The following LARGE1 variants were observed in gnomAD, a reference collection of about 807,000 sequenced individuals.
LARGE1 encodes the protein xylosyl- and glucuronyltransferase LARGE1.
In LARGE1, 43 loss-of-function variants were observed where a neutral mutation model predicts 87.6. That is an observed-to-expected ratio of 0.49 (90% CI 0.38 to 0.63). The LOEUF (loss-of-function observed/expected upper bound fraction) is 0.63, where lower values mean the gene tolerates loss of function less well. LARGE1 is among the 30% of genes least tolerant of loss of function. The probability of loss-of-function intolerance (pLI) is 0.00; values close to 1 mark genes in which losing one functional copy is unlikely to be tolerated. For missense variants in LARGE1, 802 were observed against 1,000.2 expected (o/e 0.80, Z 2.67); for synonymous variants, 434 against 394.6 (o/e 1.10, Z -1.18).
At position 33,439,619 on chromosome 22, in the gene LARGE1, G is replaced by A. The variant is rs1409868706; in HGVS notation, c.788-7354C>T. Among the ~76,000 whole-genome samples the A allele has an allele frequency of 3.3e-5, 5 of 152,104 alleles. No individual in the cohort carries two copies. The East Asian group carries it at 5.8e-4, about 18-fold the overall frequency. On this transcript the variant is annotated intron_variant, in intron 6 of 14. Transcript: ENST00000397394. ...ATCCACAGATGATGGGATCTACTCCGGTGGCTTCAGACACTATTGACTGGA... is the reference window on the plus strand; with the variant it reads ...ATCCACAGATGATGGGATCTACTCCAGTGGCTTCAGACACTATTGACTGGA...
chr22:33,897,514 C>G (rs1039118690), intron 1 of LARGE1, among the ~76,000 whole-genome samples: 5 of 152,148 alleles, frequency 3.3e-5, no homozygotes, highest in African/African-American at 1.2e-4. Context: ...CAGGACAGGG[C>G]AGCATGACGG....
intron 3 of LARGE1, among the ~76,000 whole-genome samples, chr22:33,628,571 C>T (rs2080003752): frequency 6.6e-6 from 1 of 152,152 alleles, no homozygotes; most frequent in African/African-American, 2.4e-5. Flanking sequence ...TCACCTTGAC[C>T]TCCCAAAGTG....
chr22:33,586,439 G>T lies in LARGE1; in HGVS notation c.615+17996C>A, dbSNP rs909511515. ...AATACGCCATGCTGCCCCCAAACAG[G>T]GAGAACAACAAGATTTCTTTTTTTT... On this transcript the variant is annotated intron_variant, in intron 5 of 14. Transcript: ENST00000397394. 2.7e-5 allele frequency among the ~76,000 whole-genome samples: 4 copies of T among 150,862 alleles called. No homozygotes were observed. In the East Asian group the frequency reaches 5.9e-4, roughly 22 times the overall value.
At chr22:33,866,290 G>A (rs2064101665) in intron 1 of LARGE1, among the ~76,000 whole-genome samples, 1 of 152,178 alleles carries the variant, frequency 6.6e-6, no homozygotes, top group Admixed American at 6.5e-5. Flanking sequence ...ACAGCATATA[G>A]GGGGCTGTTT....
chr22:33,370,229 G>A (rs1018666932), intron 9 of LARGE1, among the ~76,000 whole-genome samples: 7 of 151,930 alleles, frequency 4.6e-5, no homozygotes, highest in Admixed American at 2.0e-4. Flanking sequence ...CACAGGGGCC[G>A]TTAAAAAAAA....
intron 10 of LARGE1, among the ~76,000 whole-genome samples, chr22:33,324,591 C>T (rs996130307): frequency 2.0e-5 from 3 of 152,154 alleles, no homozygotes; most frequent in Admixed American, 2.0e-4. Context: ...GAAAATGGCC[C>T]GTTAGGCAGT....
At chr22:33,503,724 G>A (rs998834812) in intron 6 of LARGE1, among the ~76,000 whole-genome samples, 20 of 151,584 alleles carry the variant, frequency 1.3e-4, no homozygotes, top group African/African-American at 4.6e-4. Flanking sequence ...GCTTGAACCC[G>A]GGAGGTGGAG....
At chr22:33,901,567 A>G (rs2065283771) in intron 1 of LARGE1, among the ~76,000 whole-genome samples, 1 of 152,116 alleles carries the variant, frequency 6.6e-6, no homozygotes, top group South Asian at 2.1e-4. Context: ...GCTACTGGAG[A>G]GGCTGAGGTG....
the LARGE1 span, among the ~76,000 whole-genome samples, chr22:33,086,584 CT>C: frequency 1.6e-5 from 2 of 127,454 alleles, no homozygotes; most frequent in Middle Eastern, 6.9e-3. Context: ...GACAGAGTCT[CT>C]CTCTGTCACC....
chr22:33,617,275 T>C (rs1460557116), intron 4 of LARGE1, among the ~76,000 whole-genome samples: 3 of 152,364 alleles, frequency 2.0e-5, no homozygotes, highest in African/African-American at 7.2e-5. Context: ...GCGTGACTTC[T>C]GAGCCTTATT....
the LARGE1 span, among the ~76,000 whole-genome samples, chr22:33,082,642 T>C: frequency 2.6e-5 from 4 of 152,298 alleles, no homozygotes; most frequent in East Asian, 7.7e-4. Flanking sequence ...AGCAGAGAAA[T>C]ACCTTCTCTG....
intron 2 of LARGE1, among the ~76,000 whole-genome samples, chr22:33,719,246 AT>A (rs1318034899): frequency 6.6e-6 from 1 of 152,264 alleles, no homozygotes. Context: ...AAGCTTAAAA[AT>A]ATTTCAAAGT....
chr22:33,067,491 CTTTAT>C, the LARGE1 span, among the ~76,000 whole-genome samples: 1 of 151,992 alleles, frequency 6.6e-6, no homozygotes. Flanking sequence ...AGTGTTTAAC[CTTTAT>C]TTTCTTATTG....
At chr22:33,475,580 G>C (rs928110434) in intron 6 of LARGE1, among the ~76,000 whole-genome samples, 8 of 151,918 alleles carry the variant, frequency 5.3e-5, no homozygotes, top group Non-Finnish European at 1.0e-4. Context: ...TCCTGCCTCA[G>C]CCTCCCAAGT....
chr22:33,760,906 G>A (rs184707684), intron 2 of LARGE1, among the ~76,000 whole-genome samples: 219 of 152,152 alleles, frequency 1.4e-3, no homozygotes, highest in Non-Finnish European at 2.7e-3. Flanking sequence ...GTAACAGAGC[G>A]AGACTCCGTC....
At chr22:33,662,903 T>C (rs1204415450) in intron 2 of LARGE1, among the ~76,000 whole-genome samples, 1 of 152,224 alleles carries the variant, frequency 6.6e-6, no homozygotes, top group Non-Finnish European at 1.5e-5. Flanking sequence ...TTCCTTTGCC[T>C]GTAAGTGACT....
intron 9 of LARGE1, among the ~76,000 whole-genome samples, chr22:33,365,202 T>A (rs2064542751): frequency 2.0e-5 from 3 of 152,170 alleles, no homozygotes; most frequent in African/African-American, 4.8e-5. Context: ...TGAACCTGAC[T>A]TTCTTTAGAA....
intron 6 of LARGE1, among the ~76,000 whole-genome samples, chr22:33,551,261 C>T (rs1365546539): frequency 6.6e-6 from 1 of 152,156 alleles, no homozygotes; most frequent in African/African-American, 2.4e-5. Flanking sequence ...TGGAGAAACC[C>T]CGTACTAAGG....
At chr22:33,556,538 A>AGGAGGGAGGGAGGGAGGGAG (rs769770874) in intron 6 of LARGE1, among the ~76,000 whole-genome samples, 4 of 72,568 alleles carry the variant, frequency 5.5e-5, no homozygotes, top group African/African-American at 1.6e-4. Context: ...GAGGGAGGGA[A>AGGAGGGAGGGAGGGAGGGAG]GGAGGGAGGG....
Sources: allele counts gnomAD v4.1 joint callset (sites outside exome capture counted in the v4.1 genomes callset), GRCh38; gene constraint gnomAD v4.1.1; transcripts MANE v1.5; gene names NCBI Gene and HGNC (gene_info 2026-07-23, HGNC 2026-07-21).